The following STX6 variants were observed in gnomAD, a reference collection of about 807,000 sequenced individuals.
STX6 encodes syntaxin-6.
Under a neutral mutation model 38.0 loss-of-function variants are expected in STX6, and 23 were observed. The ratio of observed to expected loss-of-function variants is 0.60; its 90% CI spans 0.43 to 0.86. STX6 has a LOEUF of 0.86. Among genes scored for constraint, STX6 ranks in the 40% least tolerant of loss-of-function variants. STX6 has a pLI of 0.00. For missense variants in STX6, 274 were observed against 312.9 expected (o/e 0.88, Z 0.94); for synonymous variants, 123 against 107.5 (o/e 1.14, Z -0.89).
At position 180,973,379 on chromosome 1, in the gene STX6, G is replaced by C. The variant is rs978016073; in HGVS notation, c.*3191C>G. The C allele has an allele frequency of 6.6e-6, 1 of 152,606 alleles. No homozygotes were observed. The highest frequency in any genetic ancestry group is 2.4e-5 in the African/African-American group (1 of 41,428). 9.5% of individuals were successfully genotyped at this position (152,606 alleles called of 1,614,324 possible). Reference sequence around the variant, plus strand: ...CCTTTGGTCTCACTTTATAGACAGGGAAATTACCAAAAGAAAAATCTTGGC... The same window carrying C: ...CCTTTGGTCTCACTTTATAGACAGGCAAATTACCAAAAGAAAAATCTTGGC... On this transcript the variant is annotated 3_prime_UTR_variant, in exon 8 of 8. Transcript: ENST00000258301.
chr1:181,008,273 C>G (rs140759122), intron 1 of STX6, among the ~76,000 whole-genome samples: 1 of 152,142 alleles, frequency 6.6e-6, no homozygotes, highest in Non-Finnish European at 1.5e-5. Context: ...CCTTATACTA[C>G]GATCCATTGG....
At chr1:181,016,100 C>T (rs1225071475) in intron 1 of STX6, among the ~76,000 whole-genome samples, 1 of 152,238 alleles carries the variant, frequency 6.6e-6, no homozygotes, top group Admixed American at 6.5e-5. Flanking sequence ...TAAATTTAAA[C>T]TCCTCAGGCA....
intron 5 of STX6, among the ~76,000 whole-genome samples, 174 bp downstream of exon 5, chr1:180,989,810 A>G (rs4111520): frequency 0.56 from 85,301 of 151,886 alleles, 24,286 homozygotes; most frequent in East Asian, 0.63. Flanking sequence ...AAGCAGTCAC[A>G]CTGTGAAGAT....
At chr1:181,003,611 T>C (rs1220645575) in intron 2 of STX6, among the ~76,000 whole-genome samples, 1 of 152,148 alleles carries the variant, frequency 6.6e-6, no homozygotes, top group Non-Finnish European at 1.5e-5. Flanking sequence ...ACAAAAATTA[T>C]TTACTCCATG....
At chr1:180,978,621 G>C (rs1057051743) in intron 7 of STX6, among the ~76,000 whole-genome samples, 6 of 152,214 alleles carry the variant, frequency 3.9e-5, no homozygotes, top group Non-Finnish European at 8.8e-5. Flanking sequence ...AGAGCACTCT[G>C]TTCTAAACAA....
At chr1:180,983,861 G>A (rs1476822828) in intron 7 of STX6, among the ~76,000 whole-genome samples, 5 of 151,782 alleles carry the variant, frequency 3.3e-5, no homozygotes, top group East Asian at 2.0e-4. Context: ...TCAGGAGATC[G>A]AGACCATCCT....
chr1:180,993,612 A>G (rs1161647816), intron 3 of STX6, among the ~76,000 whole-genome samples, 187 bp from the exon 4 acceptor site: 1 of 152,234 alleles, frequency 6.6e-6, no homozygotes, highest in Non-Finnish European at 1.5e-5. Flanking sequence ...TCCCTTAAAA[A>G]GAAGTAACCT....
chr1:181,022,135 C>A (rs913643861), intron 1 of STX6, among the ~76,000 whole-genome samples: 1 of 151,480 alleles, frequency 6.6e-6, no homozygotes. Flanking sequence ...TGCTCAGACG[C>A]CTCTGGGCTT....
At chr1:181,008,026 A>G (rs1656277777) in intron 1 of STX6, among the ~76,000 whole-genome samples, 1 of 152,248 alleles carries the variant, frequency 6.6e-6, no homozygotes, top group Non-Finnish European at 1.5e-5. Flanking sequence ...ATACAGATAC[A>G]TACTTGGAAA....
At position 180,993,368 on chromosome 1, in the gene STX6, T is replaced by C; in HGVS notation, c.358A>G (p.Arg120Gly). 6.4e-7 allele frequency: 1 copy of C among 1,553,536 alleles called. No individual in the cohort carries two copies. The highest frequency in any genetic ancestry group is 8.9e-7 in the Non-Finnish European group (1 of 1,126,046). ...SVQALAERKN[R>G]QALLGDSGSQ... ...ATATTCTGATGTTTTCTCACCTGTCTATTTTTTCTTTCAGCTAATGCCTGC... is the reference window on the plus strand; with the variant it reads ...ATATTCTGATGTTTTCTCACCTGTCCATTTTTTCTTTCAGCTAATGCCTGC... The change falls in exon 4 of 8, where the codon AGA (arginine) becomes GGA (glycine). Residue 120 changes from arginine (R) to glycine (G), a missense_variant. By Grantham distance (125) the Arg-to-Gly change is moderately radical. Transcript: ENST00000258301.
chr1:180,977,491 C>A (rs1655289012), intron 7 of STX6, among the ~76,000 whole-genome samples: 1 of 152,204 alleles, frequency 6.6e-6, no homozygotes, highest in African/African-American at 2.4e-5. Flanking sequence ...GTGCAATACC[C>A]AAACCTAGGG....
chr1:180,972,887 AAGG>A lies in STX6; in HGVS notation c.*3680_*3682del, dbSNP rs1323403889. The A allele has an allele frequency of 3.6e-6, 1 of 279,034 alleles. No individual in the cohort carries two copies. The highest frequency in any genetic ancestry group is 2.3e-5 in the African/African-American group (1 of 44,402). The allele number at this position is 279,034 out of a possible 1,614,324, so 17.3% of individuals were successfully genotyped here. ...TTTATTTTTTAATCAAAAAAAAAAA[AAGG>A]AGAGAAAGAAAAGAAAGACCACCCC... On this transcript the variant is annotated 3_prime_UTR_variant, in exon 8 of 8. Coordinates refer to ENST00000258301, the MANE Select transcript of STX6 (RefSeq NM_005819.6).
Position 180,993,985 on chromosome 1 carries a change from T to C in STX6, c.301-560A>G, listed in dbSNP as rs149464488. On this transcript the variant is annotated intron_variant, in intron 3 of 7. Coordinates refer to ENST00000258301, the MANE Select transcript of STX6 (RefSeq NM_005819.6). ...ATAGTGGTACAACAGGTCACTTATT[T>C]TATTTCTGAGTTGGATTCATGAAAG... 2.6e-5 allele frequency among the ~76,000 whole-genome samples: 4 copies of C among 152,358 alleles called. No homozygotes were observed. The East Asian group carries it at 7.7e-4, about 29-fold the overall frequency.
intron 3 of STX6, among the ~76,000 whole-genome samples, chr1:180,995,361 C>A (rs554690615): frequency 6.6e-6 from 1 of 152,296 alleles, no homozygotes; most frequent in African/African-American, 2.4e-5. Context: ...CATCCCCATT[C>A]CTTGTCTTAC....
rs182032418 is a variant in STX6 at position 180,986,475 on chromosome 1, T to G, written c.597-1704A>C. Among the ~76,000 whole-genome samples, 27 of 152,346 alleles carry G rather than the reference T, an allele frequency of 1.8e-4. No homozygotes were observed. In the East Asian group the frequency reaches 5.2e-3, roughly 29 times the overall value. The stretch of plus-strand genomic sequence containing the variant: ...ACATAACACTTACTCAACAGCCACA[T>G]GTGGCTAGTAGCTATTATACTGGAT... On this transcript the variant is annotated intron_variant, in intron 6 of 7. Transcript: ENST00000258301.
intron 7 of STX6, among the ~76,000 whole-genome samples, chr1:180,984,088 A>AAAAAAAAAAAAAC (rs57204299): frequency 9.9e-5 from 10 of 101,464 alleles, no homozygotes; most frequent in Non-Finnish European, 1.9e-4. Flanking sequence ...AAAAAAAAAA[A>AAAAAAAAAAAAAC]AACACAACGA....
At chr1:180,989,895 T>A in intron 5 of STX6, 89 bp downstream of exon 5, 1 of 1,513,578 alleles carries the variant, frequency 6.6e-7, no homozygotes, top group Non-Finnish European at 9.1e-7. Context: ...TCCTTGTCAC[T>A]AAGCCACAAG....
At chr1:181,010,555 GCCT>G (rs1656361132) in intron 1 of STX6, among the ~76,000 whole-genome samples, 1 of 152,272 alleles carries the variant, frequency 6.6e-6, no homozygotes, top group African/African-American at 2.4e-5. Flanking sequence ...AACCGGCTCA[GCCT>G]CCTAATGTGC....
chr1:181,008,871 T>C (rs1160568936), intron 1 of STX6, among the ~76,000 whole-genome samples: 3 of 152,020 alleles, frequency 2.0e-5, no homozygotes, highest in African/African-American at 4.8e-5. Flanking sequence ...AAATTTGAGA[T>C]TTGAGAAAGC....
Sources: allele counts gnomAD v4.1 joint callset (sites outside exome capture counted in the v4.1 genomes callset), GRCh38; gene constraint gnomAD v4.1.1; transcripts MANE v1.5; gene names NCBI Gene and HGNC (gene_info 2026-07-23, HGNC 2026-07-21).